ANK2: variants seen among roughly 807,000 people sequenced by gnomAD.
ANK2 encodes the protein ankyrin-2.
A neutral mutation model predicts 360.5 loss-of-function variants in ANK2; 83 were observed. The observed-to-expected ratio is 0.23, with a 90% CI of 0.19 to 0.28. The LOEUF is 0.28. ANK2 is among the 10% of genes least tolerant of loss of function. ANK2 has a pLI of 1.00. For missense variants in ANK2, 4,201 were observed against 4,795.7 expected (o/e 0.88, Z 3.66); for synonymous variants, 1,740 against 1,759.5 (o/e 0.99, Z 0.28).
chr4:113,098,456 C>A (rs1284908535), intron 1 of ANK2, among the ~76,000 whole-genome samples: 1 of 151,880 alleles, frequency 6.6e-6, no homozygotes, highest in East Asian at 1.9e-4. Flanking sequence ...TGGACTAATT[C>A]CTTGAAAAGT....
intron 4 of ANK2, among the ~76,000 whole-genome samples, chr4:113,209,442 T>C (rs2098995156): frequency 6.6e-6 from 1 of 151,966 alleles, no homozygotes; most frequent in African/African-American, 2.4e-5. Context: ...CTACTTCTTT[T>C]TGTAGGCCCT....
At chr4:113,099,084 C>G (rs181985554) in intron 1 of ANK2, among the ~76,000 whole-genome samples, 1 of 152,044 alleles carries the variant, frequency 6.6e-6, no homozygotes, top group East Asian at 1.9e-4. Context: ...CTGCTTTCCC[C>G]CTAAGACTGG....
intron 19 of ANK2, 87 bp downstream of exon 19, chr4:113,287,790 T>C: frequency 9.5e-7 from 1 of 1,055,408 alleles, no homozygotes; most frequent in Non-Finnish European, 1.4e-6. Context: ...ATGTCCAGGG[T>C]CTTCCCTCCT....
At chr4:113,249,945 C>T in intron 10 of ANK2, 83 bp downstream of exon 10, 1 of 1,275,548 alleles carries the variant, frequency 7.8e-7, no homozygotes, top group Non-Finnish European at 1.1e-6. Flanking sequence ...TAAATTGAAA[C>T]ATCAGGCAAG....
At chr4:112,933,987 C>T (rs913366297) in intron 2 of ANK2, among the ~76,000 whole-genome samples, 1 of 151,296 alleles carries the variant, frequency 6.6e-6, no homozygotes, top group Admixed American at 6.6e-5. Flanking sequence ...CTGGAAATGA[C>T]GTCATGTGAG....
chr4:113,027,931 T>C (rs1251813330), intron 2 of ANK2, among the ~76,000 whole-genome samples: 1 of 152,062 alleles, frequency 6.6e-6, no homozygotes, highest in Non-Finnish European at 1.5e-5. Flanking sequence ...TTTGTTTACG[T>C]TAAAAATAGC....
the ANK2 span, among the ~76,000 whole-genome samples, chr4:112,776,747 T>C: frequency 1.3e-5 from 2 of 152,346 alleles, no homozygotes; most frequent in Non-Finnish European, 1.5e-5. Flanking sequence ...TATGCACATG[T>C]ATTTGCATAT....
intron 2 of ANK2, among the ~76,000 whole-genome samples, chr4:113,044,363 T>A (rs1343189013): frequency 1.3e-5 from 2 of 152,202 alleles, no homozygotes; most frequent in Non-Finnish European, 2.9e-5. Flanking sequence ...TAGAGATTAC[T>A]CATGGGAGGG....
At chr4:113,033,271 C>G (rs1451239949) in intron 2 of ANK2, among the ~76,000 whole-genome samples, 1 of 151,960 alleles carries the variant, frequency 6.6e-6, no homozygotes, top group East Asian at 1.9e-4. Context: ...ATAGTGTAAC[C>G]TTCTTATTTT....
At chr4:113,363,987 A>T (rs1410584980) in intron 40 of ANK2, among the ~76,000 whole-genome samples, 1 of 152,224 alleles carries the variant, frequency 6.6e-6, no homozygotes, top group South Asian at 2.1e-4. Context: ...TATAGAGTCC[A>T]TGGTAATTAC....
chr4:112,779,822 G>C, the ANK2 span, among the ~76,000 whole-genome samples: 1 of 152,120 alleles, frequency 6.6e-6, no homozygotes, highest in African/African-American at 2.4e-5. Context: ...CTGACATTCT[G>C]GTTTCCAGAA....
intron 1 of ANK2, among the ~76,000 whole-genome samples, chr4:112,879,596 G>T (rs573386395): frequency 6.6e-6 from 1 of 152,260 alleles, no homozygotes; most frequent in South Asian, 2.1e-4. Context: ...AAGCCATTAT[G>T]TTTTGGGATA....
At chr4:113,110,867 C>A (rs1186616849) in intron 1 of ANK2, among the ~76,000 whole-genome samples, 2 of 152,094 alleles carry the variant, frequency 1.3e-5, no homozygotes, top group Non-Finnish European at 2.9e-5. Flanking sequence ...AAACTGGAGA[C>A]CTGACACTTT....
Position 113,341,843 on chromosome 4 carries a change from C to G in ANK2, c.4049C>G (p.Thr1350Ser), listed in dbSNP as rs773124964. Residue 1350 changes from threonine to serine, a missense_variant, in exon 33 of 46, where the codon ACT (threonine) becomes AGT (serine). Thr to Ser is a moderately conservative substitution (Grantham distance 58). This residue lies in a region of ANK2 where 1,268 missense variants were observed against 1,650.8 expected (regional missense o/e 0.77). Coordinates refer to ENST00000357077, the MANE Select transcript of ANK2 (RefSeq NM_001148.6). ...GCCAGGTTGAGGTGTTTCTGCATGA[C>G]TGATGATAAAGTGGATAAGACCCTT... ...IEARLRCFCM[T>S]DDKVDKTLEQ... 7 of 1,614,048 alleles carry G rather than the reference C, an allele frequency of 4.3e-6. No homozygotes were observed. Among genetic ancestry groups the G allele is most frequent in the Non-Finnish European group, 5.1e-6 (6 of 1,180,018 alleles).
intron 1 of ANK2, among the ~76,000 whole-genome samples, chr4:113,086,410 T>C (rs1432884851): frequency 6.6e-6 from 1 of 152,244 alleles, no homozygotes; most frequent in African/African-American, 2.4e-5. Context: ...AGATTTTTTT[T>C]ATACAGTTGC....
chr4:112,815,034 G>T (rs1198690676), upstream of ANK2, among the ~76,000 whole-genome samples: 2 of 149,982 alleles, frequency 1.3e-5, no homozygotes, highest in East Asian at 3.9e-4. Context: ...TTTTATGATG[G>T]AGTCTCAAAG....
intron 2 of ANK2, among the ~76,000 whole-genome samples, chr4:112,979,047 C>T (rs952638536): frequency 3.9e-5 from 6 of 152,202 alleles, no homozygotes; most frequent in Admixed American, 6.5e-5. Context: ...CTTTTCCAGC[C>T]GGAAACCTCT....
intron 1 of ANK2, among the ~76,000 whole-genome samples, chr4:112,850,852 A>G (rs2064802972): frequency 6.6e-6 from 1 of 151,880 alleles, no homozygotes. Flanking sequence ...ATGCACGAGA[A>G]TGCTTTAGTG....
Position 113,018,927 on chromosome 4 carries a change from A to G in ANK2, c.21+114413A>G, listed in dbSNP as rs187214252. On this transcript the variant is annotated intron_variant, in intron 2 of 30. Transcript: ENST00000503271. ...TGGTCATCTAATATGCTTTTTATCT[A>G]ATTTGACACATAATTCTAAGGTGAA... Among the ~76,000 whole-genome samples, 406 of 152,296 alleles carry G rather than the reference A, an allele frequency of 2.7e-3. 2 individuals are homozygous for G. The highest frequency in any genetic ancestry group is 4.7e-3 in the Non-Finnish European group (320 of 68,020).
Sources: gnomAD v4.1 joint callset for allele counts (sites outside exome capture counted in the v4.1 genomes callset) on GRCh38, gnomAD v4.1.1 for gene constraint, gnomAD v4.1.1 regional missense constraint, MANE v1.5 for transcripts, NCBI Gene and HGNC (gene_info 2026-07-23, HGNC 2026-07-21) for gene names.